The following MCU variants were observed in gnomAD, a reference collection of about 807,000 sequenced individuals.
MCU encodes the protein calcium uniporter protein, mitochondrial.
MCU carries 12 observed loss-of-function variants against 45.2 expected under a neutral mutation model. The ratio of observed to expected loss-of-function variants is 0.27; its 90% confidence interval spans 0.17 to 0.43. The LOEUF is 0.43. MCU is among the 20% of genes least tolerant of loss of function. The probability of loss-of-function intolerance (pLI) is 1.00; values close to 1 mark genes in which losing one functional copy is unlikely to be tolerated. For synonymous variants in MCU, 160 were observed against 165.1 expected (o/e 0.97, Z 0.24); for missense variants, 324 against 436.7 (o/e 0.74, Z 2.30).
At chr10:72,836,831 C>T (rs1844962561) in intron 2 of MCU, among the ~76,000 whole-genome samples, 1 of 152,056 alleles carries the variant, frequency 6.6e-6, no homozygotes, top group Non-Finnish European at 1.5e-5. Flanking sequence ...GTTAATTTCA[C>T]CTTAGGTCAG....
intron 2 of MCU, among the ~76,000 whole-genome samples, chr10:72,838,066 T>C (rs545686146): frequency 6.6e-6 from 1 of 151,950 alleles, no homozygotes; most frequent in East Asian, 1.9e-4. Context: ...TTTCACTGTG[T>C]TGGCCAGGAT....
chr10:72,693,471 C>G (rs1248112677), intron 1 of MCU, among the ~76,000 whole-genome samples: 3 of 152,146 alleles, frequency 2.0e-5, no homozygotes, highest in African/African-American at 7.2e-5. Context: ...AACACATCGC[C>G]TGCCTTGTTC....
At chr10:72,702,250 CAAAAAAAAAGA>C (rs560504713) in intron 1 of MCU, among the ~76,000 whole-genome samples, 13 of 111,704 alleles carry the variant, frequency 1.2e-4, no homozygotes, top group African/African-American at 2.0e-4. Context: ...AACTCTGTCT[CAAAAAAAAAGA>C]AAAAAAAAAG....
chr10:72,707,446 G>A (rs1301014887), intron 1 of MCU, among the ~76,000 whole-genome samples: 4 of 152,124 alleles, frequency 2.6e-5, no homozygotes, highest in Non-Finnish European at 5.9e-5. Context: ...TGATTCACCC[G>A]CCTCGGCCTC....
At chr10:72,737,149 C>G (rs541616198) in intron 1 of MCU, among the ~76,000 whole-genome samples, 4 of 152,214 alleles carry the variant, frequency 2.6e-5, no homozygotes, top group African/African-American at 9.6e-5. Flanking sequence ...GTTGTTGATA[C>G]CATAGTAGTT....
Position 72,885,731 on chromosome 10 carries a change from T to C in MCU, c.979-14T>C. 2 of 1,597,396 alleles carry C rather than the reference T, an allele frequency of 1.3e-6. No homozygotes were observed. The highest frequency in any genetic ancestry group is 1.7e-6 in the Non-Finnish European group (2 of 1,166,094). On this transcript the variant is annotated splice_polypyrimidine_tract_variant and intron_variant, in intron 7 of 7. Coordinates refer to ENST00000373053, the MANE Select transcript of MCU (RefSeq NM_138357.3). The stretch of plus-strand genomic sequence containing the variant: ...TTCACTAGCCAGTTTTCTCACCTTT[T>C]GTTTCTATTTTAGGCAGAAATGGAC...
At chr10:72,876,129 C>T (rs568595882) in intron 6 of MCU, among the ~76,000 whole-genome samples, 92 of 152,198 alleles carry the variant, frequency 6.0e-4, no homozygotes, top group African/African-American at 2.0e-3. Flanking sequence ...TTCCAATAAC[C>T]GTCATTTATA....
chr10:72,764,663 C>T (rs567203017), intron 1 of MCU, among the ~76,000 whole-genome samples: 1 of 152,286 alleles, frequency 6.6e-6, no homozygotes, highest in African/African-American at 2.4e-5. Context: ...TAAAGTATTA[C>T]ATTCCCCTAA....
At chr10:72,866,183 G>A (rs1406614050) in intron 4 of MCU, among the ~76,000 whole-genome samples, 2 of 152,150 alleles carry the variant, frequency 1.3e-5, no homozygotes, top group Non-Finnish European at 2.9e-5. Flanking sequence ...GTCCCTGGTT[G>A]AGGAAGGTAT....
At chr10:72,804,487 A>G (rs1844400149) in intron 1 of MCU, among the ~76,000 whole-genome samples, 1 of 152,152 alleles carries the variant, frequency 6.6e-6, no homozygotes, top group African/African-American at 2.4e-5. Flanking sequence ...CTTCTATAAT[A>G]CTTTTTGTTC....
chr10:72,871,703 A>G (rs796505532), intron 6 of MCU, 123 bp downstream of exon 6: 1 of 740,414 alleles, frequency 1.4e-6, no homozygotes, highest in South Asian at 1.7e-5. Context: ...ACACATACAC[A>G]CACATGTGCC....
chr10:72,722,316 CAAAAAAAAAA>C (rs35164146), intron 1 of MCU, among the ~76,000 whole-genome samples: 6 of 20,158 alleles, frequency 3.0e-4, no homozygotes, highest in East Asian at 5.7e-3. Context: ...AACTCCATCT[CAAAAAAAAAA>C]AAAAAAAAAA....
Position 72,721,955 on chromosome 10 carries a change from A to G in MCU, c.150+29654A>G, listed in dbSNP as rs1289693739. 2.0e-5 allele frequency among the ~76,000 whole-genome samples: 3 copies of G among 152,180 alleles called. No individual in the cohort carries two copies. In the South Asian group the frequency reaches 6.2e-4, roughly 32 times the overall value. The stretch of plus-strand genomic sequence containing the variant: ...GTAATTGCAACTTGAATTACTATCC[A>G]CTTAGGCTCCTTATGGGGAATGCAA... On this transcript the variant is annotated intron_variant, in intron 1 of 7. Coordinates refer to ENST00000373053, the MANE Select transcript of MCU (RefSeq NM_138357.3).
At chr10:72,830,929 C>T (rs1171591450) in intron 1 of MCU, among the ~76,000 whole-genome samples, 1 of 152,172 alleles carries the variant, frequency 6.6e-6, no homozygotes. Flanking sequence ...CTTTCCCTTC[C>T]AAATCCTCAA....
intron 2 of MCU, among the ~76,000 whole-genome samples, chr10:72,839,725 G>A (rs1018493060): frequency 4.6e-5 from 7 of 151,478 alleles, no homozygotes; most frequent in Non-Finnish European, 7.4e-5. Flanking sequence ...AGGCTGAGGC[G>A]GGCAGATCAT....
At chr10:72,826,707 C>T (rs575701296) in intron 1 of MCU, among the ~76,000 whole-genome samples, 1 of 152,226 alleles carries the variant, frequency 6.6e-6, no homozygotes, top group Non-Finnish European at 1.5e-5. Context: ...GGTTCCCCCT[C>T]ACCTGCTGTT....
intron 1 of MCU, among the ~76,000 whole-genome samples, chr10:72,729,175 G>A (rs1843138480): frequency 3.9e-5 from 6 of 152,178 alleles, no homozygotes; most frequent in Admixed American, 3.9e-4. Context: ...ATAGAAAACT[G>A]TATTTTAGGC....
chr10:72,829,465 G>T (rs990397313), intron 1 of MCU, among the ~76,000 whole-genome samples: 2 of 151,724 alleles, frequency 1.3e-5, no homozygotes, highest in African/African-American at 2.4e-5. Flanking sequence ...CTTGGTATCT[G>T]CCTATGAAAT....
intron 1 of MCU, among the ~76,000 whole-genome samples, chr10:72,726,765 T>A (rs568765964): frequency 1.3e-5 from 2 of 152,306 alleles, no homozygotes; most frequent in East Asian, 3.9e-4. Context: ...TTGCTTTTCT[T>A]AGCCAACTTA....
Sources: gnomAD v4.1 joint callset for allele counts (sites outside exome capture counted in the v4.1 genomes callset) on GRCh38, gnomAD v4.1.1 for gene constraint, MANE v1.5 for transcripts, NCBI Gene and HGNC (gene_info 2026-07-23, HGNC 2026-07-21) for gene names.